PTPRD: variants seen among roughly 807,000 people sequenced by gnomAD.
PTPRD encodes the protein receptor-type tyrosine-protein phosphatase delta.
PTPRD carries 34 observed loss-of-function variants against 214.5 expected under a neutral mutation model. The ratio of observed to expected loss-of-function variants is 0.16; its 90% confidence interval spans 0.12 to 0.21. The LOEUF (loss-of-function observed/expected upper bound fraction) is 0.21. Among genes scored for constraint, PTPRD ranks in the 10% least tolerant of loss-of-function variants. PTPRD has a pLI of 1.00. For synonymous variants in PTPRD, 1,128 were observed against 845.7 expected, an observed-to-expected ratio of 1.33 and a Z score of -5.79; for missense variants, 2,545 against 2,398.7, an observed-to-expected ratio of 1.06 and a Z score of -1.27.
intron 3 of PTPRD, among the ~76,000 whole-genome samples, chr9:10,338,415 C>A (rs1357309273): frequency 6.6e-6 from 1 of 151,700 alleles, no homozygotes; most frequent in Non-Finnish European, 1.5e-5. Context: ...ATGAAACTGA[C>A]AAAAGACCTG....
At chr9:10,501,640 A>C (rs2043754707) in intron 2 of PTPRD, among the ~76,000 whole-genome samples, 1 of 152,046 alleles carries the variant, frequency 6.6e-6, no homozygotes, top group South Asian at 2.1e-4. Context: ...TGGGGGAATT[A>C]GACAAAGGGA....
intron 5 of PTPRD, among the ~76,000 whole-genome samples, chr9:9,918,498 G>C (rs557294027): frequency 1.3e-5 from 2 of 151,818 alleles, no homozygotes; most frequent in Non-Finnish European, 2.9e-5. Context: ...AATCTGATTC[G>C]ATTAAATCTC....
At chr9:9,808,997 G>C (rs2046307974) in intron 5 of PTPRD, among the ~76,000 whole-genome samples, 1 of 150,686 alleles carries the variant, frequency 6.6e-6, no homozygotes, top group Non-Finnish European at 1.5e-5. Flanking sequence ...TGTTGCCCAG[G>C]CTAGTCTCAA....
chr9:10,333,965 T>G lies in PTPRD; in HGVS notation c.-545+6998A>C, dbSNP rs145480505. On this transcript the variant is annotated intron_variant, in intron 3 of 45. Transcript: ENST00000381196. Reference sequence around the variant, plus strand: ...CTGCAAAATGTTACAGAAATAACATTAAAGTTGACCCAAGTTTTCCTCATT... The same window carrying G: ...CTGCAAAATGTTACAGAAATAACATGAAAGTTGACCCAAGTTTTCCTCATT... Among the ~76,000 whole-genome samples, 5 of 151,918 alleles carry G rather than the reference T, an allele frequency of 3.3e-5. No homozygotes were observed. The East Asian group carries it at 9.8e-4, about 30-fold the overall frequency.
chr9:10,205,307 G>A (rs1017627573), intron 3 of PTPRD, among the ~76,000 whole-genome samples: 4 of 151,668 alleles, frequency 2.6e-5, no homozygotes, highest in Non-Finnish European at 4.4e-5. Flanking sequence ...GAAAAGGTGA[G>A]ATATATTAAT....
intron 14 of PTPRD, among the ~76,000 whole-genome samples, chr9:8,588,578 C>T (rs2093851717): frequency 6.6e-6 from 1 of 152,040 alleles, no homozygotes; most frequent in South Asian, 2.1e-4. Flanking sequence ...TTTATAACTA[C>T]TAGCAATGTG....
At chr9:10,294,209 A>G (rs1429954693) in intron 3 of PTPRD, among the ~76,000 whole-genome samples, 1 of 151,994 alleles carries the variant, frequency 6.6e-6, no homozygotes, top group Non-Finnish European at 1.5e-5. Context: ...TTATTGATAA[A>G]GAGTAAGAGA....
chr9:10,206,972 T>C (rs1158190271), intron 3 of PTPRD, among the ~76,000 whole-genome samples: 1 of 152,128 alleles, frequency 6.6e-6, no homozygotes, highest in African/African-American at 2.4e-5. Context: ...ATTATAAAAA[T>C]TCATTTTGTA....
chr9:9,975,405 C>T (rs1157681618), intron 4 of PTPRD, among the ~76,000 whole-genome samples: 2 of 152,320 alleles, frequency 1.3e-5, no homozygotes, highest in East Asian at 3.9e-4. Flanking sequence ...CTTTTAACCT[C>T]TCTTCAAATT....
chr9:9,677,735 A>G (rs947945239), intron 7 of PTPRD, among the ~76,000 whole-genome samples: 1 of 152,112 alleles, frequency 6.6e-6, no homozygotes, highest in Non-Finnish European at 1.5e-5. Flanking sequence ...CAGGCAGGAG[A>G]AGGAAATAAA....
At chr9:8,554,416 G>C (rs577212839) in intron 14 of PTPRD, among the ~76,000 whole-genome samples, 1 of 152,118 alleles carries the variant, frequency 6.6e-6, no homozygotes, top group Non-Finnish European at 1.5e-5. Flanking sequence ...TAGGGAAAAA[G>C]TCCTTGTTTT....
chr9:8,688,260 G>A (rs778756698), intron 12 of PTPRD, among the ~76,000 whole-genome samples: 4 of 152,048 alleles, frequency 2.6e-5, no homozygotes, highest in Non-Finnish European at 5.9e-5. Flanking sequence ...GAGTTATCCA[G>A]ATGTGGTTCA....
intron 11 of PTPRD, among the ~76,000 whole-genome samples, chr9:8,800,630 C>G (rs986227521): frequency 1.6e-4 from 24 of 152,174 alleles, no homozygotes; most frequent in Non-Finnish European, 4.4e-5. Context: ...ATAATCCACC[C>G]CTTGTTTAAC....
chr9:10,319,773 G>C (rs1597020640), intron 3 of PTPRD, among the ~76,000 whole-genome samples: 1 of 151,946 alleles, frequency 6.6e-6, no homozygotes, highest in African/African-American at 2.4e-5. Flanking sequence ...AGTACTTAAA[G>C]AGAGATCACG....
At chr9:9,652,855 C>G (rs890207393) in intron 7 of PTPRD, among the ~76,000 whole-genome samples, 1 of 151,948 alleles carries the variant, frequency 6.6e-6, no homozygotes, top group African/African-American at 2.4e-5. Flanking sequence ...CTCAGGTGAT[C>G]CACCTGCCTC....
intron 14 of PTPRD, among the ~76,000 whole-genome samples, chr9:8,550,623 G>A (rs922533134): frequency 3.3e-5 from 5 of 152,120 alleles, no homozygotes; most frequent in African/African-American, 1.2e-4. Flanking sequence ...ACAAATTAAA[G>A]AAGAGATCAT....
chr9:10,014,503 C>T (rs544811927), intron 4 of PTPRD, among the ~76,000 whole-genome samples: 1 of 152,084 alleles, frequency 6.6e-6, no homozygotes, highest in East Asian at 1.9e-4. Context: ...GACTTGGTAA[C>T]ATGAAAGACA....
At chr9:8,638,415 T>C (rs1195616321) in intron 12 of PTPRD, among the ~76,000 whole-genome samples, 2 of 152,186 alleles carry the variant, frequency 1.3e-5, no homozygotes, top group African/African-American at 2.4e-5. Context: ...GCTCCACCAA[T>C]ACATATATGG....
intron 9 of PTPRD, among the ~76,000 whole-genome samples, chr9:9,356,168 A>T (rs1466185673): frequency 6.6e-6 from 1 of 151,496 alleles, no homozygotes; most frequent in Non-Finnish European, 1.5e-5. Context: ...AAAAAGAACC[A>T]AGGAATAGGG....
Sources: gnomAD v4.1 joint callset for allele counts (sites outside exome capture counted in the v4.1 genomes callset) on GRCh38, gnomAD v4.1.1 for gene constraint, MANE v1.5 for transcripts, NCBI Gene and HGNC (gene_info 2026-07-23, HGNC 2026-07-21) for gene names.